The following CABIN1 variants were observed in gnomAD, a reference collection of about 807,000 sequenced individuals.
CABIN1 encodes calcineurin-binding protein cabin-1.
A neutral mutation model predicts 227.7 loss-of-function variants in CABIN1; 133 were observed. That is an observed-to-expected ratio of 0.58 (90% CI 0.51 to 0.67). The LOEUF (loss-of-function observed/expected upper bound fraction) is 0.67, where lower values mean the gene tolerates loss of function less well. Ranked by LOEUF, CABIN1 falls within the 30% of genes least tolerant of loss-of-function variation. CABIN1 has a pLI of 0.00. For missense variants in CABIN1, 2,408 were observed against 2,852.5 expected, an observed-to-expected ratio of 0.84 and a Z score of 3.55; for synonymous variants, 1,086 against 1,155.1, an observed-to-expected ratio of 0.94 and a Z score of 1.21.
intron 29 of CABIN1, among the ~76,000 whole-genome samples, chr22:24,141,778 G>A (rs573159321): frequency 6.6e-5 from 10 of 152,292 alleles, no homozygotes; most frequent in Admixed American, 6.5e-5. Flanking sequence ...CTCCTACTTG[G>A]CGGCTGCCAC....
intron 29 of CABIN1, chr22:24,156,079 AG>A (rs1267271911): frequency 2.4e-6 from 1 of 419,512 alleles, no homozygotes; most frequent in African/African-American, 2.1e-5. Context: ...GCCGGCGGGT[AG>A]GAACTTGGCG....
intron 17 of CABIN1, chr22:24,071,292 C>T (rs893263274): frequency 3.6e-5 from 20 of 549,624 alleles, no homozygotes; most frequent in African/African-American, 7.6e-5. Flanking sequence ...CCAGACCATC[C>T]GTCCCAGAGG....
At chr22:24,046,293 A>AT (rs1337050415) in intron 6 of CABIN1, among the ~76,000 whole-genome samples, 1 of 152,102 alleles carries the variant, frequency 6.6e-6, no homozygotes, top group Non-Finnish European at 1.5e-5. Context: ...TTATTTCCAG[A>AT]TTTGTGTTCT....
intron 29 of CABIN1, among the ~76,000 whole-genome samples, chr22:24,151,934 C>T (rs1255913919): frequency 6.6e-6 from 1 of 152,228 alleles, no homozygotes; most frequent in African/African-American, 2.4e-5. Context: ...GGCTGGGTCA[C>T]TGCCCATCCA....
chr22:24,173,871 C>T (rs1037458269), intron 34 of CABIN1, among the ~76,000 whole-genome samples: 3 of 152,162 alleles, frequency 2.0e-5, no homozygotes, highest in African/African-American at 7.2e-5. Flanking sequence ...AGCATGTGAC[C>T]TTGGCCATCC....
intron 29 of CABIN1, among the ~76,000 whole-genome samples, chr22:24,140,822 C>T (rs998368259): frequency 7.2e-5 from 11 of 152,098 alleles, no homozygotes; most frequent in Non-Finnish European, 1.5e-4. Context: ...AGGGAGGTGC[C>T]GGCCTACTGT....
In CABIN1 at chr22:24,041,377, G is replaced by T; in HGVS notation, c.345+104G>T. On this transcript the variant is annotated intron_variant, in intron 5 of 36. Coordinates refer to ENST00000263119, the MANE Select transcript of CABIN1 (RefSeq NM_012295.4). ...CCAAAAAGAAGAGTTTGTAGTGGTG[G>T]ATCACCAAGCTATAGTACCCAAGGC... 4.9e-6 allele frequency: 7 copies of T among 1,431,424 alleles called. No individual in the cohort carries two copies. In the Admixed American group the frequency reaches 1.1e-4, roughly 22 times the overall value. 88.7% of individuals were successfully genotyped at this position (1,431,424 alleles called of 1,614,324 possible). A position where few individuals can be genotyped will look rare whatever the true frequency, so the allele number is the denominator to read the frequency against.
intron 3 of CABIN1, among the ~76,000 whole-genome samples, chr22:24,037,353 A>T (rs2036992138): frequency 6.6e-6 from 1 of 151,208 alleles, no homozygotes; most frequent in Admixed American, 6.6e-5. Context: ...CCCAGGCTGG[A>T]GTGTAGTGGC....
At chr22:24,035,332 C>G in intron 1 of CABIN1, 112 bp from the exon 2 acceptor site, 1 of 719,396 alleles carries the variant, frequency 1.4e-6, no homozygotes, top group Non-Finnish European at 2.5e-6. Context: ...CAGCTCTTCA[C>G]TGGCCTGTCT....
intron 1 of CABIN1, among the ~76,000 whole-genome samples, chr22:24,015,670 A>G (rs2035224320): frequency 6.6e-6 from 1 of 151,686 alleles, no homozygotes; most frequent in African/African-American, 2.4e-5. Flanking sequence ...AAACATCTTT[A>G]TTGAGGCCAG....
At chr22:24,144,126 C>A (rs1168196550) in intron 29 of CABIN1, among the ~76,000 whole-genome samples, 1 of 152,236 alleles carries the variant, frequency 6.6e-6, no homozygotes, top group African/African-American at 2.4e-5. Flanking sequence ...GGCCCAAGAT[C>A]ACAAGCTAGC....
rs1267013301 is a variant in CABIN1, at chr22:24,134,339, G to A, written c.4670G>A (p.Ser1557Asn). 2.5e-6 allele frequency: 4 copies of A among 1,614,150 alleles called. No homozygotes were observed. The highest frequency in any genetic ancestry group is 1.7e-4 in the Middle Eastern group (1 of 6,060). Residue 1557 changes from serine to asparagine, a missense_variant, in exon 29 of 37, where the codon AGT (serine) becomes AAT (asparagine). Coordinates refer to ENST00000263119, the MANE Select transcript of CABIN1 (RefSeq NM_012295.4). ...GCCCGCGACGTGTTGCTAGGCAGCAGTATCCCGTGGCAACAACTGCAGCAC... is the reference window on the plus strand; with the variant it reads ...GCCCGCGACGTGTTGCTAGGCAGCAATATCCCGTGGCAACAACTGCAGCAC... ...QWARDVLLGS[S>N]IPWQQLQHMP...
intron 29 of CABIN1, chr22:24,156,015 C>T: frequency 1.7e-6 from 1 of 574,440 alleles, no homozygotes; most frequent in Non-Finnish European, 3.1e-6. Context: ...AACGAGCCTC[C>T]GCGGCCATGG....
At chr22:24,050,392 C>T (rs914146020) in intron 7 of CABIN1, among the ~76,000 whole-genome samples, 4 of 152,188 alleles carry the variant, frequency 2.6e-5, no homozygotes, top group Non-Finnish European at 5.9e-5. Context: ...GGCCTCCAAG[C>T]CCCTGCCCTT....
intron 33 of CABIN1, among the ~76,000 whole-genome samples, chr22:24,169,148 GTGGGAGGGC>G (rs1019155020): frequency 6.6e-6 from 1 of 152,150 alleles, no homozygotes; most frequent in African/African-American, 2.4e-5. Flanking sequence ...CAAGCTAGAG[GTGGGAGGGC>G]TGGGATCAGA....
chr22:24,061,465 T>A (rs908480791), intron 12 of CABIN1, among the ~76,000 whole-genome samples: 1 of 152,212 alleles, frequency 6.6e-6, no homozygotes, highest in Non-Finnish European at 1.5e-5. Context: ...CATGCTCCCC[T>A]GGGGCAGTTG....
chr22:24,036,329 C>A (rs2036885422), intron 3 of CABIN1, 148 bp downstream of exon 3: 1 of 708,646 alleles, frequency 1.4e-6, no homozygotes, highest in South Asian at 1.5e-5. Flanking sequence ...TCCTGTTAAA[C>A]CTGTTTTACT....
At chr22:24,070,374 C>T (rs998798177) in intron 16 of CABIN1, among the ~76,000 whole-genome samples, 14 of 152,228 alleles carry the variant, frequency 9.2e-5, no homozygotes, top group African/African-American at 2.4e-4. Flanking sequence ...GGCCCTCCTC[C>T]GCTGAGGTAG....
At chr22:24,062,809 C>T in intron 13 of CABIN1, 150 bp from the exon 14 acceptor site, 3 of 790,016 alleles carry the variant, frequency 3.8e-6, no homozygotes, top group Non-Finnish European at 6.8e-6. Flanking sequence ...TCTCTGATGC[C>T]TGCCACTCAG....
Sources: allele counts gnomAD v4.1 joint callset (sites outside exome capture counted in the v4.1 genomes callset), GRCh38; gene constraint gnomAD v4.1.1; transcripts MANE v1.5; gene names NCBI Gene and HGNC (gene_info 2026-07-23, HGNC 2026-07-21).